PTPN13: variants seen among roughly 807,000 people sequenced by gnomAD.
The protein encoded by PTPN13 is tyrosine-protein phosphatase non-receptor type 13.
Under a neutral mutation model 284.0 loss-of-function variants are expected in PTPN13, and 191 were observed. The observed-to-expected ratio is 0.67, with a 90% CI of 0.60 to 0.76. The LOEUF (loss-of-function observed/expected upper bound fraction) is 0.76, where lower values mean the gene tolerates loss of function less well. Among genes scored for constraint, PTPN13 ranks in the 30% least tolerant of loss-of-function variants. PTPN13 has a pLI of 0.00. For synonymous variants in PTPN13, 986 were observed against 1,022.3 expected (o/e 0.96, Z 0.68); for missense variants, 2,797 against 2,939.9 (o/e 0.95, Z 1.12).
chr4:86,770,682 A>T (rs1739886920), intron 30 of PTPN13, among the ~76,000 whole-genome samples: 1 of 152,228 alleles, frequency 6.6e-6, no homozygotes, highest in Non-Finnish European at 1.5e-5. Context: ...GAAATACTTA[A>T]TTAGGCTATT....
At chr4:86,657,014 G>A (rs1048010642) in intron 2 of PTPN13, among the ~76,000 whole-genome samples, 4 of 152,212 alleles carry the variant, frequency 2.6e-5, no homozygotes, top group African/African-American at 9.6e-5. Context: ...GGGCGTGGGA[G>A]CCTCCAAGCC....
intron 15 of PTPN13, 94 bp from the exon 16 acceptor site, chr4:86,741,540 G>C (rs1024814511): frequency 9.2e-7 from 1 of 1,092,680 alleles, no homozygotes; most frequent in African/African-American, 1.6e-5. Context: ...TGAGATTTGT[G>C]GGGGGACACG....
At chr4:86,745,478 T>C (rs886932808) in intron 17 of PTPN13, among the ~76,000 whole-genome samples, 1 of 152,082 alleles carries the variant, frequency 6.6e-6, no homozygotes, top group Non-Finnish European at 1.5e-5. Flanking sequence ...CAATACACAA[T>C]AGAAGTTCAG....
intron 1 of PTPN13, among the ~76,000 whole-genome samples, chr4:86,631,277 T>C (rs1467464788): frequency 2.0e-5 from 3 of 152,144 alleles, no homozygotes; most frequent in Non-Finnish European, 4.4e-5. Context: ...TTTCCCTCCA[T>C]TTTCTTTTTT....
At chr4:86,595,143 T>C (rs1409786653) in intron 1 of PTPN13, among the ~76,000 whole-genome samples, 1 of 152,140 alleles carries the variant, frequency 6.6e-6, no homozygotes, top group African/African-American at 2.4e-5. Flanking sequence ...CTTGCACAGC[T>C]CCGCTCTGTG....
chr4:86,775,686 C>G (rs764578661), intron 35 of PTPN13, 34 bp downstream of exon 35: 1 of 1,478,684 alleles, frequency 6.8e-7, no homozygotes, highest in Non-Finnish European at 9.3e-7. Flanking sequence ...TTTGATTGTG[C>G]GTGTGTGTGC....
chr4:86,637,549 C>T (rs1347629227), intron 2 of PTPN13, among the ~76,000 whole-genome samples: 1 of 151,592 alleles, frequency 6.6e-6, no homozygotes, highest in Non-Finnish European at 1.5e-5. Flanking sequence ...AAATGTAATC[C>T]AGCATATAAA....
At chr4:86,669,285 G>GTATATACATATA (rs1727457794) in intron 2 of PTPN13, among the ~76,000 whole-genome samples, 1 of 113,342 alleles carries the variant, frequency 8.8e-6, no homozygotes, top group South Asian at 3.5e-4. Context: ...GGAAGAAGAT[G>GTATATACATATA]TATATATATA....
At chr4:86,773,506 A>G (rs541887979) in intron 32 of PTPN13, among the ~76,000 whole-genome samples, 1 of 152,310 alleles carries the variant, frequency 6.6e-6, no homozygotes, top group Non-Finnish European at 1.5e-5. Flanking sequence ...AATAAGATTT[A>G]GAAACAAAAT....
At chr4:86,635,040 G>A (rs777196200) in intron 1 of PTPN13, among the ~76,000 whole-genome samples, 61 of 152,258 alleles carry the variant, frequency 4.0e-4, no homozygotes, top group Non-Finnish European at 7.6e-4. Context: ...GAAGTTGACC[G>A]TGTTGGGCTA....
chr4:86,624,564 A>G (rs1259145803), intron 1 of PTPN13, among the ~76,000 whole-genome samples: 1 of 152,200 alleles, frequency 6.6e-6, no homozygotes, highest in African/African-American at 2.4e-5. Flanking sequence ...GAAGTATTCA[A>G]CTAGCTGACC....
At chr4:86,727,022 AG>A (rs1734348050) in intron 10 of PTPN13, among the ~76,000 whole-genome samples, 1 of 149,620 alleles carries the variant, frequency 6.7e-6, no homozygotes, top group Non-Finnish European at 1.5e-5. Flanking sequence ...TTTAGCATGA[AG>A]GGCTGTTTAA....
At chr4:86,720,456 A>G (rs1733526339) in intron 9 of PTPN13, among the ~76,000 whole-genome samples, 1 of 152,128 alleles carries the variant, frequency 6.6e-6, no homozygotes, top group South Asian at 2.1e-4. Flanking sequence ...TGAGTTAGAT[A>G]TAGGTTTAGG....
At chr4:86,605,795 A>T (rs1031475430) in intron 1 of PTPN13, among the ~76,000 whole-genome samples, 3 of 151,988 alleles carry the variant, frequency 2.0e-5, no homozygotes, top group Admixed American at 6.6e-5. Flanking sequence ...AGGCAAGATT[A>T]TCTCAGGCAT....
rs1432515579 is a variant in PTPN13, at chr4:86,758,343, G to A, written c.3307G>A (p.Gly1103Ser). Residue 1103 changes from glycine to serine, a missense_variant, in exon 21 of 48, where the codon GGC (glycine) becomes AGC (serine). Transcript: ENST00000411767. ...GAACCTGAAAAAAGATGCAAAGTAT[G>A]GCTTGGGTAAGTCACCGTGAGATTC... ...LVNLKKDAKY[G>S]LGFQIIGGEK... The A allele has an allele frequency of 1.2e-6, 2 of 1,605,806 alleles. No homozygotes were observed. The highest frequency in any genetic ancestry group is 1.7e-6 in the Non-Finnish European group (2 of 1,174,156).
intron 1 of PTPN13, among the ~76,000 whole-genome samples, chr4:86,622,128 C>T (rs1721322552): frequency 6.6e-6 from 1 of 152,174 alleles, no homozygotes; most frequent in East Asian, 1.9e-4. Flanking sequence ...TTCTGAATTG[C>T]ACACTGAGTA....
chr4:86,725,152 C>G (rs1189508549), intron 10 of PTPN13, among the ~76,000 whole-genome samples: 1 of 151,760 alleles, frequency 6.6e-6, no homozygotes, highest in Non-Finnish European at 1.5e-5. Flanking sequence ...TGAACTCATC[C>G]TGTTTTATGG....
chr4:86,684,373 C>A (rs1349500471), intron 3 of PTPN13, among the ~76,000 whole-genome samples: 1 of 152,024 alleles, frequency 6.6e-6, no homozygotes, highest in Non-Finnish European at 1.5e-5. Flanking sequence ...ATTTTGCCAA[C>A]AGAAAATTAT....
At position 86,644,366 on chromosome 4, in the gene PTPN13, C is replaced by CAGGA. The variant is rs1724169988; in HGVS notation, c.115+8995_115+8996insAGGA. On this transcript the variant is annotated intron_variant, in intron 2 of 47. Coordinates refer to ENST00000411767, the MANE Select transcript of PTPN13 (RefSeq NM_080683.3). ...TGTTTGCCAGGCTGGTCTTGAACTC[C>CAGGA]TGCCCTCAAGCGACCCGCTCGCATC... is the stretch of plus-strand genomic sequence containing the variant. Among the ~76,000 whole-genome samples the CAGGA allele has an allele frequency of 2.0e-5, 3 of 152,110 alleles. No homozygotes were observed. In the South Asian group the frequency reaches 6.2e-4, roughly 31 times the overall value.
Sources: gnomAD v4.1 joint callset for allele counts (sites outside exome capture counted in the v4.1 genomes callset) on GRCh38, gnomAD v4.1.1 for gene constraint, MANE v1.5 for transcripts, NCBI Gene and HGNC (gene_info 2026-07-23, HGNC 2026-07-21) for gene names.